The following WRN variants were observed in gnomAD, a reference collection of about 807,000 sequenced individuals.
The protein encoded by WRN is bifunctional 3'-5' exonuclease/ATP-dependent helicase WRN.
A neutral mutation model predicts 180.7 loss-of-function variants in WRN; 149 were observed. That is an observed-to-expected ratio of 0.82 (90% CI 0.72 to 0.94). The LOEUF (loss-of-function observed/expected upper bound fraction) is 0.94, where lower values mean the gene tolerates loss of function less well. Among genes scored for constraint, WRN ranks in the 40% least tolerant of loss-of-function variants. The pLI, the probability that WRN is intolerant of heterozygous loss-of-function variation, is 0.00. For missense variants in WRN, 1,661 were observed against 1,700.1 expected (o/e 0.98, Z 0.40); for synonymous variants, 548 against 568.9 (o/e 0.96, Z 0.52).
intron 1 of WRN, among the ~76,000 whole-genome samples, chr8:31,045,773 T>C (rs1811838478): frequency 6.6e-6 from 1 of 152,114 alleles, no homozygotes; most frequent in Non-Finnish European, 1.5e-5. Flanking sequence ...GTTGGTCTTG[T>C]TTTTCAAAAA....
At chr8:31,125,971 A>AATATATATATATATATATATATAT (rs55952524) in intron 23 of WRN, among the ~76,000 whole-genome samples, 70 of 145,632 alleles carry the variant, frequency 4.8e-4, no homozygotes, top group African/African-American at 1.7e-3. Flanking sequence ...CATCATCCTA[A>AATATATATATATATATATATATAT]ATATATATAT....
intron 24 of WRN, among the ~76,000 whole-genome samples, chr8:31,140,075 G>C (rs1394058931): frequency 8.0e-6 from 1 of 124,566 alleles, no homozygotes; most frequent in Non-Finnish European, 1.6e-5. Context: ...TAGTGCAGTG[G>C]TGTCATCATA....
At chr8:31,034,423 G>T (rs942320943) in intron 1 of WRN, among the ~76,000 whole-genome samples, 6 of 152,086 alleles carry the variant, frequency 3.9e-5, no homozygotes, top group African/African-American at 1.4e-4. Context: ...AATCTCAGTT[G>T]TTCTCAGGCT....
At position 31,111,706 on chromosome 8, in the gene WRN, G is replaced by C; in HGVS notation, c.2180G>C (p.Cys727Ser). The change falls in exon 19 of 35, where the codon TGT becomes TCT. Residue 727 changes from cysteine (C) to serine (S), a missense_variant. Coordinates refer to ENST00000298139, the MANE Select transcript of WRN (RefSeq NM_000553.6). ...CLNLRNPQIT[C>S]TGFDRPNLYL... ...AATCTGAGAAATCCTCAGATCACCT[G>C]TACTGGTTTTGATCGACCAAACCTG... 6.2e-7 allele frequency: 1 copy of C among 1,614,018 alleles called. No individual in the cohort carries two copies. The highest frequency in any genetic ancestry group is 8.5e-7 in the Non-Finnish European group (1 of 1,179,964).
At chr8:31,105,674 G>T (rs1400872635) in intron 18 of WRN, among the ~76,000 whole-genome samples, 3 of 152,114 alleles carry the variant, frequency 2.0e-5, no homozygotes, top group African/African-American at 7.2e-5. Flanking sequence ...TGGCCAGGCT[G>T]GTCTCGAACT....
chr8:31,148,139 A>T (rs888576829), intron 30 of WRN, among the ~76,000 whole-genome samples: 1 of 152,094 alleles, frequency 6.6e-6, no homozygotes, highest in Non-Finnish European at 1.5e-5. Flanking sequence ...TTCCCGCCTC[A>T]GTCTCCAAAG....
chr8:31,085,288 A>G (rs1210724598), intron 11 of WRN, 42 bp downstream of exon 11: 2 of 1,607,312 alleles, frequency 1.2e-6, no homozygotes, highest in Non-Finnish European at 1.7e-6. Flanking sequence ...AGTTCTTTCC[A>G]AAGGACATTT....
chr8:31,104,038 G>C (rs2130247786), intron 18 of WRN, among the ~76,000 whole-genome samples: 1 of 152,214 alleles, frequency 6.6e-6, no homozygotes, highest in East Asian at 1.9e-4. Context: ...CCGGCCTTCA[G>C]AGATTCTTTA....
chr8:31,167,142 A>T lies in WRN; in HGVS notation c.4103A>T (p.Asp1368Val), dbSNP rs770921190. The change falls in exon 34 of 35, where the codon GAT becomes GTT. Residue 1368 changes from aspartate to valine, a missense_variant. Around this residue, in one of 3 missense-constraint regions of WRN, gnomAD observed 1,141 missense variants for 1,149.4 expected, o/e 0.99. Transcript: ENST00000298139. ...GACAGCGGACTTCAACCTTCATGTG[A>T]TGTCAACAAAAGGAGATGTTTTCCC... The part of the protein sequence containing the change: ...GPDSGLQPSC[D>V]VNKRRCFPGS... 1 of 1,613,370 alleles carries T rather than the reference A, an allele frequency of 6.2e-7. No individual in the cohort carries two copies. Among genetic ancestry groups the T allele is most frequent in the South Asian group, 1.1e-5 (1 of 91,054 alleles).
At position 31,175,872 on chromosome 8, in the gene WRN, G is replaced by A. The variant is rs1478534058; in HGVS notation, c.*2770G>A. Reference sequence around the variant, plus strand: ...AAAGTATTTATGTTAATGTGTACTTGGTTTACTACTGCTATTTTTAAATAA... The same window carrying A: ...AAAGTATTTATGTTAATGTGTACTTAGTTTACTACTGCTATTTTTAAATAA... On this transcript the variant is annotated 3_prime_UTR_variant, in exon 35 of 35. Transcript: ENST00000298139. 1.3e-5 allele frequency among the ~76,000 whole-genome samples: 2 copies of A among 152,064 alleles called. No individual in the cohort carries two copies. The highest frequency in any genetic ancestry group is 2.9e-5 in the Non-Finnish European group (2 of 67,994).
At chr8:31,083,407 A>G (rs1308571581) in intron 9 of WRN, among the ~76,000 whole-genome samples, 3 of 152,110 alleles carry the variant, frequency 2.0e-5, no homozygotes, top group Non-Finnish European at 4.4e-5. Flanking sequence ...GTTTAACCTG[A>G]GTTGAACTTG....
chr8:31,143,761 A>G, intron 28 of WRN, 138 bp downstream of exon 28: 2 of 620,314 alleles, frequency 3.2e-6, no homozygotes. Context: ...TCAGTATTAG[A>G]ATGATCAAAG....
At chr8:31,065,706 G>A (rs191747693) in intron 5 of WRN, among the ~76,000 whole-genome samples, 12 of 152,036 alleles carry the variant, frequency 7.9e-5, no homozygotes, top group Non-Finnish European at 1.3e-4. Flanking sequence ...GAACATATGC[G>A]TGCATGTGTC....
intron 24 of WRN, among the ~76,000 whole-genome samples, chr8:31,140,008 T>TTTG (rs1802552578): frequency 1.1e-5 from 1 of 89,222 alleles, no homozygotes; most frequent in Non-Finnish European, 2.1e-5. Context: ...TCTTTGTTTT[T>TTTG]TTTTTTTTTT....
At chr8:31,147,161 G>T (rs774315613) in intron 29 of WRN, 33 bp downstream of exon 29, 3 of 1,597,582 alleles carry the variant, frequency 1.9e-6, no homozygotes, top group Non-Finnish European at 2.6e-6. Context: ...ATTAGTTTAT[G>T]ATAGGATAGT....
rs574060342 is a variant in WRN, at chr8:31,100,103, A to G, written c.1982-746A>G. ...ATTATTCTTAAGTATCAATTTGTTA[A>G]TTGAGGACAAAAGCACTACTGTTAC... On this transcript the variant is annotated intron_variant, in intron 17 of 34. Coordinates refer to ENST00000298139, the MANE Select transcript of WRN (RefSeq NM_000553.6). 3.3e-5 allele frequency among the ~76,000 whole-genome samples: 5 copies of G among 152,342 alleles called. No individual in the cohort carries two copies. In the South Asian group the frequency reaches 1.0e-3, roughly 32 times the overall value.
intron 9 of WRN, among the ~76,000 whole-genome samples, chr8:31,083,331 A>G (rs936916655): frequency 6.6e-6 from 1 of 152,186 alleles, no homozygotes; most frequent in African/African-American, 2.4e-5. Context: ...TGTTCTTTGT[A>G]CGGCATTTTT....
intron 9 of WRN, among the ~76,000 whole-genome samples, chr8:31,083,117 C>CTTGG (rs1489824568): frequency 1.8e-4 from 28 of 152,026 alleles, no homozygotes; most frequent in African/African-American, 6.8e-4. Flanking sequence ...TCGTTGGACA[C>CTTGG]TTGGTTCCTG....
chr8:31,140,616 A>G (rs1802582992), intron 24 of WRN, among the ~76,000 whole-genome samples: 1 of 152,228 alleles, frequency 6.6e-6, no homozygotes, highest in South Asian at 2.1e-4. Context: ...TGAAGCAGCT[A>G]AATTGTAAAT....
Sources: gnomAD v4.1 joint callset for allele counts (sites outside exome capture counted in the v4.1 genomes callset) on GRCh38, gnomAD v4.1.1 for gene constraint, gnomAD v4.1.1 regional missense constraint, MANE v1.5 for transcripts, NCBI Gene and HGNC (gene_info 2026-07-23, HGNC 2026-07-21) for gene names.